The following ZNF516 variants were observed in gnomAD, a reference collection of about 807,000 sequenced individuals.
The protein encoded by ZNF516 is zinc finger protein 516.
Under a neutral mutation model 79.7 loss-of-function variants are expected in ZNF516, and 19 were observed. The ratio of observed to expected loss-of-function variants is 0.24; its 90% CI spans 0.17 to 0.35. The LOEUF is 0.35. ZNF516 is among the 10% of genes least tolerant of loss of function. ZNF516 has a pLI of 1.00. For missense variants in ZNF516, 1,678 were observed against 1,679.5 expected, an observed-to-expected ratio of 1.00 and a Z score of 0.02; for synonymous variants, 877 against 739.5, an observed-to-expected ratio of 1.19 and a Z score of -3.02.
At chr18:76,495,708 G>T (rs986912083), upstream of ZNF516, 2 of 1,192,378 alleles carry the variant, frequency 1.7e-6, no homozygotes, top group Non-Finnish European at 2.1e-6. Flanking sequence ...ACGTGCTCGG[G>T]ATGCGGGTCC....
At chr18:76,421,619 T>C (rs942217941) in intron 3 of ZNF516, among the ~76,000 whole-genome samples, 1 of 152,240 alleles carries the variant, frequency 6.6e-6, no homozygotes, top group African/African-American at 2.4e-5. Context: ...ACTAAGTTCC[T>C]GGAGTCTTTT....
chr18:76,492,892 A>G (rs984915273), intron 1 of ZNF516: 1 of 985,578 alleles, frequency 1.0e-6, no homozygotes, highest in Non-Finnish European at 1.2e-6. Flanking sequence ...CGTCTACATC[A>G]CACATCTGTG....
upstream of ZNF516, chr18:76,496,300 CT>C: frequency 7.8e-7 from 1 of 1,289,168 alleles, no homozygotes; most frequent in Non-Finnish European, 1.0e-6. Flanking sequence ...TATTGTTCTC[CT>C]TCTCCTCGTG....
intron 3 of ZNF516, among the ~76,000 whole-genome samples, chr18:76,422,423 T>TA (rs1050583690): frequency 7.2e-5 from 11 of 152,248 alleles, no homozygotes; most frequent in Admixed American, 5.9e-4. Flanking sequence ...GTGACTGCCC[T>TA]AACTTTCCGG....
chr18:76,467,102 C>T lies in ZNF516; in HGVS notation c.-271-3961G>A, dbSNP rs181533585. Among the ~76,000 whole-genome samples the T allele has an allele frequency of 1.3e-4, 20 of 152,128 alleles. No individual in the cohort carries two copies. The East Asian group carries it at 3.7e-3, about 28-fold the overall frequency. The stretch of plus-strand genomic sequence containing the variant: ...GCCTCGCTGAACCTGCAGCTGACAG[C>T]CCCTCTGGGCTGGCAGGAAGTCCTG... On this transcript the variant is annotated intron_variant, in intron 1 of 6. Coordinates refer to ENST00000443185, the MANE Select transcript of ZNF516 (RefSeq NM_014643.4). This position sits in a 1 kb window ranked among gnomAD's most constrained non-coding sequence, Gnocchi z 4.2.
At chr18:76,417,008 T>TG (rs1181562512) in intron 3 of ZNF516, among the ~76,000 whole-genome samples, 1 of 152,136 alleles carries the variant, frequency 6.6e-6, no homozygotes, top group Non-Finnish European at 1.5e-5. Context: ...ATAAATAACT[T>TG]GGAGAATACA....
chr18:76,400,555 G>A (rs1053577674), intron 3 of ZNF516, among the ~76,000 whole-genome samples: 5 of 152,264 alleles, frequency 3.3e-5, no homozygotes, highest in South Asian at 2.1e-4. Flanking sequence ...TACTGACCCC[G>A]TACTTGGTTG....
intron 1 of ZNF516, among the ~76,000 whole-genome samples, chr18:76,476,473 CAA>C (rs1194471887): frequency 5.9e-5 from 9 of 152,046 alleles, no homozygotes; most frequent in Non-Finnish European, 5.9e-5. Flanking sequence ...CACTTCCCAG[CAA>C]AAAAAGTGTC....
chr18:76,424,779 TTCCCCCGAAACACACGCAGGTGAAAAGGC>T (rs1568280144), intron 3 of ZNF516, among the ~76,000 whole-genome samples: 88 of 59,940 alleles, frequency 1.5e-3, no homozygotes, highest in African/African-American at 5.7e-3. Context: ...GGTGAAAAGG[TTCCCCCGAAACACACGCAGGTGAAAAGGC>T]TCCCCCGAAA....
rs1202183732 is a variant in ZNF516 at position 76,392,591 on chromosome 18, CGGGTGGGGGAAGGGCAGGTGGGAAG to C, written c.1811-12313_1811-12289del. Among the ~76,000 whole-genome samples, 257 of 81,320 alleles carry C rather than the reference CGGGTGGGGGAAGGGCAGGTGGGAAG, an allele frequency of 3.2e-3. 1 individual carries two copies. Among genetic ancestry groups the C allele is most frequent in the African/African-American group, 0.01 (201 of 19,144 alleles). 53.3% of individuals were successfully genotyped at this position (81,320 alleles called of 152,430 possible). A position where few individuals can be genotyped will look rare whatever the true frequency, so the allele number is the denominator to read the frequency against. On this transcript the variant is annotated intron_variant, in intron 3 of 6. Coordinates refer to ENST00000443185, the MANE Select transcript of ZNF516 (RefSeq NM_014643.4). ...AAAGGTGGATGGGAAGGCAGGTGGCCGGGTGGGGGAAGGGCAGGTGGGAAGACAAGTGGCCAGGTGGAGGGAGGGC... is the reference window on the plus strand; with the variant it reads ...AAAGGTGGATGGGAAGGCAGGTGGCCACAAGTGGCCAGGTGGAGGGAGGGC...
chr18:76,442,678 C>G lies in ZNF516; in HGVS notation c.377G>C (p.Arg126Pro). The change falls in exon 3 of 7, where the codon CGG becomes CCG. Residue 126 changes from arginine (R) to proline (P), a missense_variant. Coordinates refer to ENST00000443185, the MANE Select transcript of ZNF516 (RefSeq NM_014643.4). ...GGCCTGCGAGGCCCCGTTCAGCAGC[C>G]GGTTGCAGGCCGAGGCGCTCTTGGT... ...SPTKSASACN[R>P]LLNGASQADG... is the part of the protein sequence containing the mutation. 6.3e-7 allele frequency: 1 copy of G among 1,583,792 alleles called. No individual in the cohort carries two copies. Among genetic ancestry groups the G allele is most frequent in the Non-Finnish European group, 8.6e-7 (1 of 1,168,346 alleles).
chr18:76,475,656 C>A (rs1399061210), intron 1 of ZNF516, among the ~76,000 whole-genome samples: 1 of 152,190 alleles, frequency 6.6e-6, no homozygotes, highest in Non-Finnish European at 1.5e-5. Context: ...GCACCTCCTG[C>A]TGGCTGCTCA....
chr18:76,480,474 T>C (rs920920156), intron 1 of ZNF516, among the ~76,000 whole-genome samples: 9 of 148,138 alleles, frequency 6.1e-5, no homozygotes, highest in Non-Finnish European at 5.9e-5. Flanking sequence ...TACATATATA[T>C]ACACACACAC....
At chr18:76,482,680 TAG>T (rs1011712469) in intron 1 of ZNF516, among the ~76,000 whole-genome samples, 8 of 152,204 alleles carry the variant, frequency 5.3e-5, no homozygotes, top group African/African-American at 1.9e-4. Flanking sequence ...TGTCGTAAAT[TAG>T]AGAGTATCTG....
rs537516496 is a variant in ZNF516, at chr18:76,443,196, A to T, written c.-142T>A. The T allele has an allele frequency of 3.9e-4, 501 of 1,282,058 alleles. 2 individuals are homozygous for T. The South Asian group carries it at 7.9e-3, about 20-fold the overall frequency. The allele number at this position is 1,282,058 out of a possible 1,614,324, so 79.4% of individuals were successfully genotyped here. The stretch of plus-strand genomic sequence containing the variant: ...GCACCTTCTACATGGGGGGCGCAGC[A>T]GCTGGCAGCCAGCACCTGAAACAGA... On this transcript the variant is annotated 5_prime_UTR_variant, in exon 3 of 7. Coordinates refer to ENST00000443185, the MANE Select transcript of ZNF516 (RefSeq NM_014643.4).
At chr18:76,403,660 G>A (rs762162768) in intron 3 of ZNF516, among the ~76,000 whole-genome samples, 1 of 152,146 alleles carries the variant, frequency 6.6e-6, no homozygotes, top group Non-Finnish European at 1.5e-5. Flanking sequence ...TGAGAAAACA[G>A]GCGCATGTTT....
intron 2 of ZNF516, among the ~76,000 whole-genome samples, chr18:76,458,446 T>G (rs1912865968): frequency 6.6e-6 from 1 of 152,164 alleles, no homozygotes; most frequent in African/African-American, 2.4e-5. Flanking sequence ...CTCTTGCGCT[T>G]CTCTCCCAAG....
chr18:76,391,868 C>T (rs886216167), intron 3 of ZNF516, among the ~76,000 whole-genome samples: 1 of 152,208 alleles, frequency 6.6e-6, no homozygotes, highest in African/African-American at 2.4e-5. Flanking sequence ...CCGGAGACCC[C>T]ATCAGACAGA....
chr18:76,365,678 C>A (rs1465321677), intron 6 of ZNF516, among the ~76,000 whole-genome samples: 1 of 152,150 alleles, frequency 6.6e-6, no homozygotes, highest in Non-Finnish European at 1.5e-5. Flanking sequence ...ATATTGGAAC[C>A]ATCTTAATCC....
Sources: allele counts gnomAD v4.1 joint callset (sites outside exome capture counted in the v4.1 genomes callset), GRCh38; gene constraint gnomAD v4.1.1; non-coding constraint Gnocchi (gnomAD v3.1); transcripts MANE v1.5; gene names NCBI Gene and HGNC (gene_info 2026-07-23, HGNC 2026-07-21).